ROR2: variants seen among roughly 807,000 people sequenced by gnomAD.
The protein encoded by ROR2 is tyrosine-protein kinase transmembrane receptor ROR2.
In ROR2, 33 loss-of-function variants were observed where a neutral mutation model predicts 74.9. The ratio of observed to expected loss-of-function variants is 0.44; its 90% CI spans 0.33 to 0.59. The LOEUF is 0.59. ROR2 is among the 20% of genes least tolerant of loss of function. ROR2 has a pLI of 0.02. For missense variants in ROR2, 1,216 were observed against 1,313.8 expected (o/e 0.93, Z 1.15); for synonymous variants, 586 against 558.7 (o/e 1.05, Z -0.69).
chr9:91,918,956 G>C (rs2119443086), intron 1 of ROR2, among the ~76,000 whole-genome samples: 1 of 152,194 alleles, frequency 6.6e-6, no homozygotes, highest in African/African-American at 2.4e-5. Flanking sequence ...CCCACAGACT[G>C]AGTGTCCCTC....
At chr9:91,932,747 TAGAG>T (rs1831582602) in intron 1 of ROR2, among the ~76,000 whole-genome samples, 1 of 151,976 alleles carries the variant, frequency 6.6e-6, no homozygotes. Context: ...AGAAAATTAG[TAGAG>T]AAAGTGAACG....
chr9:91,776,237 T>G (rs1394704586), intron 1 of ROR2, among the ~76,000 whole-genome samples: 1 of 151,954 alleles, frequency 6.6e-6, no homozygotes, highest in Non-Finnish European at 1.5e-5. Flanking sequence ...AAATTCAGAG[T>G]TGGAGAATTT....
chr9:91,906,447 C>T (rs921071087), intron 1 of ROR2, among the ~76,000 whole-genome samples: 1 of 152,162 alleles, frequency 6.6e-6, no homozygotes, highest in African/African-American at 2.4e-5. Context: ...TTCTTAGTGG[C>T]ACATGGTCAC....
intron 1 of ROR2, among the ~76,000 whole-genome samples, chr9:91,809,919 A>G (rs1165650828): frequency 6.6e-6 from 1 of 152,254 alleles, no homozygotes; most frequent in Non-Finnish European, 1.5e-5. Flanking sequence ...GGCAGCTGGA[A>G]TTGAAACGAG....
intron 1 of ROR2, among the ~76,000 whole-genome samples, chr9:91,898,355 G>A (rs545040635): frequency 2.8e-4 from 43 of 152,220 alleles, no homozygotes; most frequent in African/African-American, 9.9e-4. Flanking sequence ...CATATCCCAT[G>A]CCCCAAACCT....
intron 1 of ROR2, among the ~76,000 whole-genome samples, chr9:91,801,299 A>G (rs1400612981): frequency 1.3e-5 from 2 of 152,192 alleles, no homozygotes; most frequent in Non-Finnish European, 2.9e-5. Context: ...TCTCGTGTCC[A>G]TGAAAAGCTT....
At chr9:91,838,998 T>C (rs909454606) in intron 1 of ROR2, among the ~76,000 whole-genome samples, 36 of 152,150 alleles carry the variant, frequency 2.4e-4, no homozygotes, top group Non-Finnish European at 4.9e-4. Context: ...AACGGAATCC[T>C]GGGCAACGAG....
At chr9:91,765,747 A>C (rs73651508) in intron 2 of ROR2, among the ~76,000 whole-genome samples, 8,010 of 152,238 alleles carry the variant, frequency 0.053, 283 homozygotes, top group East Asian at 0.1. Context: ...GCTTGTCAAC[A>C]AAGCTTTGGT....
At position 91,824,554 on chromosome 9, in the gene ROR2, C is replaced by T. The variant is rs553218348; in HGVS notation, c.98-48736G>A. 2.0e-5 allele frequency among the ~76,000 whole-genome samples: 3 copies of T among 152,314 alleles called. No individual in the cohort carries two copies. The South Asian group carries it at 6.2e-4, about 32-fold the overall frequency. ...GAAAGGGAGAAAAATTTCAAAAGCA[C>T]TCACCAAAAATGTAGTAGGAAACAG... is the stretch of plus-strand genomic sequence containing the variant. On this transcript the variant is annotated intron_variant, in intron 1 of 8. Coordinates refer to ENST00000375708, the MANE Select transcript of ROR2 (RefSeq NM_004560.4).
chr9:91,933,684 G>C (rs1831609568), intron 1 of ROR2, among the ~76,000 whole-genome samples: 1 of 152,172 alleles, frequency 6.6e-6, no homozygotes, highest in Non-Finnish European at 1.5e-5. Flanking sequence ...AGAAAGAATG[G>C]AGCAATGTGG....
At chr9:91,799,808 A>C (rs1827312594) in intron 1 of ROR2, among the ~76,000 whole-genome samples, 1 of 152,160 alleles carries the variant, frequency 6.6e-6, no homozygotes, top group South Asian at 2.1e-4. Context: ...CCCTGATGCC[A>C]GCAATGCTCC....
intron 1 of ROR2, among the ~76,000 whole-genome samples, chr9:91,826,783 C>CAAAAAA (rs576119100): frequency 4.1e-5 from 5 of 123,334 alleles, no homozygotes; most frequent in East Asian, 2.3e-4. Flanking sequence ...GACTCCGTCT[C>CAAAAAA]AAAAAAAAAA....
At chr9:91,877,207 T>C (rs1301060302) in intron 1 of ROR2, among the ~76,000 whole-genome samples, 1 of 152,166 alleles carries the variant, frequency 6.6e-6, no homozygotes, top group Non-Finnish European at 1.5e-5. Flanking sequence ...CTCAGAAAAC[T>C]TACCCTTTAA....
At chr9:91,829,535 G>C (rs577063193) in intron 1 of ROR2, among the ~76,000 whole-genome samples, 1 of 113,602 alleles carries the variant, frequency 8.8e-6, no homozygotes, top group African/African-American at 4.0e-5. Flanking sequence ...GGGTGACACA[G>C]CGAGACTCCG....
At chr9:91,760,011 C>T (rs774064140) in intron 2 of ROR2, among the ~76,000 whole-genome samples, 3 of 152,234 alleles carry the variant, frequency 2.0e-5, no homozygotes, top group Non-Finnish European at 2.9e-5. Flanking sequence ...ATTATATCCA[C>T]AGTATCAACG....
chr9:91,900,818 G>GA (rs1273650579), intron 1 of ROR2, among the ~76,000 whole-genome samples: 1 of 152,100 alleles, frequency 6.6e-6, no homozygotes, highest in Admixed American at 6.5e-5. Flanking sequence ...AGCTTGAAGG[G>GA]AAAAAAATAA....
chr9:91,724,920 G>A lies in ROR2; in HGVS notation c.1574C>T (p.Ala525Val), dbSNP rs34584753. ...GPLREEFRHE[A>V]MLRARLQHPN... is the part of the protein sequence containing the mutation. The stretch of plus-strand genomic sequence containing the variant: ...GTGTTGCAGCCGTGCTCGCAGCATA[G>A]CCTCATGCCGGAACTCCTCCCGCAG... The change falls in exon 9 of 9, where the codon GCT becomes GTT. Residue 525 changes from alanine (A) to valine (V), a missense_variant. Physicochemically the swap from Ala to Val is moderately conservative, Grantham distance 64. Coordinates refer to ENST00000375708, the MANE Select transcript of ROR2 (RefSeq NM_004560.4). 1 of 1,612,034 alleles carries A rather than the reference G, an allele frequency of 6.2e-7. No individual in the cohort carries two copies. The highest frequency in any genetic ancestry group is 1.1e-5 in the South Asian group (1 of 91,012).
intron 1 of ROR2, among the ~76,000 whole-genome samples, chr9:91,911,561 G>T (rs552743197): frequency 3.3e-4 from 51 of 152,254 alleles, no homozygotes; most frequent in African/African-American, 1.2e-3. Flanking sequence ...TCAATAAATA[G>T]ATAGGGAAGT....
chr9:91,724,847 C>T lies in ROR2; in HGVS notation c.1647G>A (p.Leu549=), dbSNP rs750989513. 1.1e-5 allele frequency: 17 copies of T among 1,603,096 alleles called. No homozygotes were observed. Among genetic ancestry groups the T allele is most frequent in the Non-Finnish European group, 1.4e-5 (16 of 1,173,154 alleles). Reference sequence around the variant, plus strand: ...GCGAACAGTAGCTGAAGATCATGCTCAGGGGCTGGTCCTTGGTCACCACGC... The same window carrying T: ...GCGAACAGTAGCTGAAGATCATGCTTAGGGGCTGGTCCTTGGTCACCACGC... ...LLGVVTKDQP[L]SMIFSYCSHG... is the part of the protein sequence containing the mutation. The change falls in exon 9 of 9, where the codon CTG becomes CTA. Residue 549 remains leucine, a synonymous_variant. Transcript: ENST00000375708.
Sources: gnomAD v4.1 joint callset for allele counts (sites outside exome capture counted in the v4.1 genomes callset) on GRCh38, gnomAD v4.1.1 for gene constraint, MANE v1.5 for transcripts, NCBI Gene and HGNC (gene_info 2026-07-23, HGNC 2026-07-21) for gene names.